The following AGBL4 variants were observed in gnomAD, a reference collection of about 807,000 sequenced individuals.
AGBL4 encodes the protein cytosolic carboxypeptidase 6.
AGBL4 carries 58 observed loss-of-function variants against 66.4 expected under a neutral mutation model. The ratio of observed to expected loss-of-function variants is 0.87; its 90% CI spans 0.71 to 1.09. AGBL4 has a LOEUF of 1.09. Among genes scored for constraint, AGBL4 ranks in the 50% least tolerant of loss-of-function variants. The pLI, the probability that AGBL4 is intolerant of heterozygous loss-of-function variation, is 0.00. For synonymous variants in AGBL4, 234 were observed against 222.9 expected (o/e 1.05, Z -0.44); for missense variants, 579 against 631.0 (o/e 0.92, Z 0.88).
intron 3 of AGBL4, among the ~76,000 whole-genome samples, chr1:49,258,739 A>G (rs1036466757): frequency 1.3e-5 from 2 of 152,226 alleles, no homozygotes; most frequent in African/African-American, 4.8e-5. Context: ...TCTGCAGGAT[A>G]TTATCCAGGA....
At chr1:49,041,636 AC>A (rs1282830124) in intron 5 of AGBL4, among the ~76,000 whole-genome samples, 1 of 152,040 alleles carries the variant, frequency 6.6e-6, no homozygotes, top group Non-Finnish European at 1.5e-5. Context: ...CAGATTATTT[AC>A]CCCCAAACTG....
intron 3 of AGBL4, among the ~76,000 whole-genome samples, chr1:49,346,365 A>G (rs184908396): frequency 6.8e-4 from 104 of 152,302 alleles, no homozygotes; most frequent in Non-Finnish European, 9.9e-4. Context: ...TAAAATATTT[A>G]GATCAGTATT....
At chr1:48,789,187 T>C (rs936721254) in intron 6 of AGBL4, among the ~76,000 whole-genome samples, 48 of 152,264 alleles carry the variant, frequency 3.2e-4, no homozygotes, top group African/African-American at 1.1e-3. Flanking sequence ...CCAGTGGTCT[T>C]GGAACACTGC....
intron 3 of AGBL4, among the ~76,000 whole-genome samples, chr1:49,546,085 C>T (rs1056389152): frequency 2.0e-5 from 3 of 152,064 alleles, no homozygotes; most frequent in African/African-American, 2.4e-5. Context: ...GATGCCTTTG[C>T]GTCCTCATAG....
intron 3 of AGBL4, among the ~76,000 whole-genome samples, chr1:49,548,214 G>A (rs1179023744): frequency 6.6e-6 from 1 of 152,176 alleles, no homozygotes; most frequent in Non-Finnish European, 1.5e-5. Context: ...AGAGTCTTTA[G>A]GGTTTTCAAA....
At chr1:49,811,789 G>A in intron 2 of AGBL4, among the ~76,000 whole-genome samples, 1 of 152,054 alleles carries the variant, frequency 6.6e-6, no homozygotes, top group East Asian at 1.9e-4. Flanking sequence ...AAATTATATA[G>A]CACTTTATCT....
At chr1:49,631,298 A>G (rs902570830) in intron 3 of AGBL4, among the ~76,000 whole-genome samples, 2 of 152,140 alleles carry the variant, frequency 1.3e-5, no homozygotes, top group Non-Finnish European at 2.9e-5. Context: ...CCACTCTTCT[A>G]CTGCAGGAGA....
At chr1:50,007,961 T>A (rs1437847076) in intron 1 of AGBL4, among the ~76,000 whole-genome samples, 2 of 152,048 alleles carry the variant, frequency 1.3e-5, no homozygotes, top group Non-Finnish European at 2.9e-5. Flanking sequence ...AAGGGGCCAA[T>A]TCAGCAAGAG....
At chr1:49,435,330 G>A (rs1645880486) in intron 3 of AGBL4, among the ~76,000 whole-genome samples, 1 of 152,120 alleles carries the variant, frequency 6.6e-6, no homozygotes, top group African/African-American at 2.4e-5. Context: ...TTGTTATTAT[G>A]TTTATTGTCC....
At chr1:48,525,007 G>A in the AGBL4 span, among the ~76,000 whole-genome samples, 1 of 152,122 alleles carries the variant, frequency 6.6e-6, no homozygotes, top group Non-Finnish European at 1.5e-5. Flanking sequence ...AAGGAGGGGT[G>A]TCAGCATCAC....
In AGBL4 at chr1:49,237,515, TATATATATATATA is replaced by T. The variant is rs1650864718; in HGVS notation, c.377+8242_377+8254del. On this transcript the variant is annotated intron_variant, in intron 4 of 13. Transcript: ENST00000371839. ...CCTTTTTTTCCTCAATATTACATTA[TATATATATATATA>T]TATATATATATATATATATATATAT... 1.1e-4 allele frequency among the ~76,000 whole-genome samples: 15 copies of T among 136,664 alleles called. 1 individual carries two copies. Among genetic ancestry groups the T allele is most frequent in the African/African-American group, 4.2e-4 (14 of 33,060 alleles). 89.7% of individuals were successfully genotyped at this position (136,664 alleles called of 152,430 possible). A position where few individuals can be genotyped will look rare whatever the true frequency, so the allele number is the denominator to read the frequency against.
intron 3 of AGBL4, among the ~76,000 whole-genome samples, chr1:49,655,053 G>A (rs1571261073): frequency 6.6e-6 from 1 of 152,100 alleles, no homozygotes; most frequent in Admixed American, 6.6e-5. Context: ...TTTTGCAGAT[G>A]CTCATACCGG....
intron 4 of AGBL4, among the ~76,000 whole-genome samples, chr1:49,244,199 T>C (rs765126101): frequency 1.3e-5 from 2 of 151,862 alleles, no homozygotes; most frequent in Non-Finnish European, 2.9e-5. Context: ...ACACAGAATA[T>C]GGAAAAATAT....
chr1:49,285,658 A>C (rs571544097), intron 3 of AGBL4, among the ~76,000 whole-genome samples: 6 of 152,348 alleles, frequency 3.9e-5, no homozygotes, highest in Admixed American at 2.0e-4. Flanking sequence ...GAGAAGAATC[A>C]AATAGAACAA....
chr1:49,014,553 C>T (rs1662674026), intron 5 of AGBL4, among the ~76,000 whole-genome samples: 1 of 152,208 alleles, frequency 6.6e-6, no homozygotes, highest in Non-Finnish European at 1.5e-5. Context: ...CTAAACCTGC[C>T]CTCTGTATGA....
intron 5 of AGBL4, among the ~76,000 whole-genome samples, chr1:48,877,098 C>T (rs933803169): frequency 1.3e-5 from 2 of 152,072 alleles, no homozygotes; most frequent in Non-Finnish European, 2.9e-5. Flanking sequence ...AAATCACCTG[C>T]CATATTGTTC....
At chr1:48,778,637 T>C (rs550656712) in intron 6 of AGBL4, among the ~76,000 whole-genome samples, 1 of 152,350 alleles carries the variant, frequency 6.6e-6, no homozygotes, top group African/African-American at 2.4e-5. Context: ...TAGATGATTT[T>C]GTTTTTCCTT....
At chr1:49,493,489 G>A (rs1023199436) in intron 3 of AGBL4, among the ~76,000 whole-genome samples, 6 of 152,062 alleles carry the variant, frequency 3.9e-5, no homozygotes, top group Non-Finnish European at 7.4e-5. Context: ...TCTGAAAGAT[G>A]AGTGGGACAA....
At chr1:48,931,771 A>C (rs1655055939) in intron 5 of AGBL4, among the ~76,000 whole-genome samples, 1 of 152,222 alleles carries the variant, frequency 6.6e-6, no homozygotes, top group East Asian at 1.9e-4. Context: ...GGCTTCCTGA[A>C]GTGCTGGGAT....
Sources: gnomAD v4.1 joint callset for allele counts (sites outside exome capture counted in the v4.1 genomes callset) on GRCh38, gnomAD v4.1.1 for gene constraint, MANE v1.5 for transcripts, NCBI Gene and HGNC (gene_info 2026-07-23, HGNC 2026-07-21) for gene names.